Variants in NCOA7 observed in about 807,000 individuals in gnomAD.
NCOA7 encodes 140 kDa estrogen receptor-associated protein.
Under a neutral mutation model 104.3 loss-of-function variants are expected in NCOA7, and 45 were observed. That is an observed-to-expected ratio of 0.43 (90% CI 0.34 to 0.55). The LOEUF is 0.55. Ranked by LOEUF, NCOA7 falls within the 20% of genes least tolerant of loss-of-function variation. The probability of loss-of-function intolerance (pLI) is 0.02; values close to 1 mark genes in which losing one functional copy is unlikely to be tolerated. For missense variants in NCOA7, 1,041 were observed against 1,119.7 expected (o/e 0.93, Z 1.00); for synonymous variants, 398 against 402.3 (o/e 0.99, Z 0.13).
chr6:125,781,965 T>G (rs1157679736), intron 1 of NCOA7, among the ~76,000 whole-genome samples: 1 of 152,238 alleles, frequency 6.6e-6, no homozygotes, highest in East Asian at 1.9e-4. Flanking sequence ...CCTTCCAATT[T>G]AGAGCTCCAG....
chr6:125,802,458 A>G (rs1179621267), intron 1 of NCOA7: 1 of 152,158 alleles, frequency 6.6e-6, no homozygotes, highest in Non-Finnish European at 1.5e-5. Context: ...AAGAGGGAAA[A>G]GCAGCTACCT....
chr6:125,860,467 C>T (rs150801511), intron 3 of NCOA7, among the ~76,000 whole-genome samples: 42 of 152,180 alleles, frequency 2.8e-4, no homozygotes, highest in African/African-American at 1.0e-3. Flanking sequence ...CATGCCTCAG[C>T]TTCCCGAGTA....
chr6:125,891,456 A>G (rs1784616568), intron 10 of NCOA7, among the ~76,000 whole-genome samples: 1 of 152,234 alleles, frequency 6.6e-6, no homozygotes, highest in African/African-American at 2.4e-5. Context: ...TATTCTTTTT[A>G]GAAAACAATT....
At chr6:125,849,954 A>T (rs376065860) in intron 2 of NCOA7, among the ~76,000 whole-genome samples, 1 of 152,306 alleles carries the variant, frequency 6.6e-6, no homozygotes, top group East Asian at 1.9e-4. Context: ...AAATGCTTAG[A>T]TGAAATAATG....
chr6:125,878,210 A>T, intron 4 of NCOA7, 53 bp from the exon 5 acceptor site: 2 of 1,222,456 alleles, frequency 1.6e-6, no homozygotes, highest in Non-Finnish European at 2.3e-6. Context: ...GTATCTATCA[A>T]AAGTAATTTT....
At chr6:125,837,818 T>G (rs1779755534) in intron 2 of NCOA7, among the ~76,000 whole-genome samples, 1 of 152,220 alleles carries the variant, frequency 6.6e-6, no homozygotes, top group African/African-American at 2.4e-5. Flanking sequence ...AATTACGATA[T>G]ACTATTTAAA....
intron 10 of NCOA7, among the ~76,000 whole-genome samples, chr6:125,898,286 C>T (rs1025628870): frequency 6.6e-5 from 10 of 152,156 alleles, no homozygotes; most frequent in Admixed American, 1.3e-4. Flanking sequence ...CATTCAGGTG[C>T]CTGAATTGCA....
At chr6:125,868,543 C>A (rs1451443216) in intron 3 of NCOA7, among the ~76,000 whole-genome samples, 1 of 152,210 alleles carries the variant, frequency 6.6e-6, no homozygotes, top group Non-Finnish European at 1.5e-5. Flanking sequence ...TTAAACCCAG[C>A]TCATTTTGAC....
chr6:125,818,800 C>T (rs1445974146), intron 2 of NCOA7: 1 of 152,342 alleles, frequency 6.6e-6, no homozygotes, highest in African/African-American at 2.4e-5. Flanking sequence ...GAACTAGCAA[C>T]AGAACTTACT....
intron 2 of NCOA7, among the ~76,000 whole-genome samples, chr6:125,848,202 G>A (rs1216606786): frequency 6.6e-6 from 1 of 152,156 alleles, no homozygotes; most frequent in Non-Finnish European, 1.5e-5. Flanking sequence ...ACTGTTGGTG[G>A]GAGTGTAAAT....
chr6:125,838,526 C>A (rs745538310), intron 2 of NCOA7, among the ~76,000 whole-genome samples: 1 of 152,152 alleles, frequency 6.6e-6, no homozygotes, highest in Non-Finnish European at 1.5e-5. Flanking sequence ...TGTTTGCAAG[C>A]CCTCTGAACA....
intron 10 of NCOA7, among the ~76,000 whole-genome samples, chr6:125,908,158 G>A (rs1380569633): frequency 6.6e-6 from 1 of 152,154 alleles, no homozygotes; most frequent in East Asian, 1.9e-4. Context: ...CCCTTACCTG[G>A]TCACCCCAGA....
chr6:125,898,042 A>G (rs974810861), intron 10 of NCOA7, among the ~76,000 whole-genome samples: 2 of 152,236 alleles, frequency 1.3e-5, no homozygotes, highest in Non-Finnish European at 2.9e-5. Context: ...CATTTTGGCC[A>G]CAAAAGCTAT....
At chr6:125,855,419 T>A in intron 3 of NCOA7, 179 bp downstream of exon 3, 1 of 543,160 alleles carries the variant, frequency 1.8e-6, no homozygotes, top group South Asian at 2.3e-5. Context: ...TAAAATAATG[T>A]CTCATTTAAA....
chr6:125,794,441 A>G (rs943949874), intron 1 of NCOA7, among the ~76,000 whole-genome samples: 3 of 152,204 alleles, frequency 2.0e-5, no homozygotes, highest in African/African-American at 4.8e-5. Context: ...ATCTTTTCCT[A>G]TGGTCTTGAG....
In NCOA7 at chr6:125,928,829, A is replaced by C; in HGVS notation, c.*58A>C. ...AGACTGGGTTCGATCAGCCCTCCTA[A>C]AGCTGGCTGGAAAAAGAAGCCCCAG... On this transcript the variant is annotated 3_prime_UTR_variant, in exon 16 of 16. Coordinates refer to ENST00000392477, the MANE Select transcript of NCOA7 (RefSeq NM_181782.5). 9.0e-6 allele frequency: 14 copies of C among 1,554,160 alleles called. No homozygotes were observed. In the South Asian group the frequency reaches 1.7e-4, roughly 19 times the overall value.
At chr6:125,891,640 C>T (rs1784632323) in intron 10 of NCOA7, among the ~76,000 whole-genome samples, 1 of 152,206 alleles carries the variant, frequency 6.6e-6, no homozygotes, top group South Asian at 2.1e-4. Flanking sequence ...GCTTCCATAG[C>T]ATGATTTCTC....
At chr6:125,854,426 A>G (rs538020478) in intron 2 of NCOA7, among the ~76,000 whole-genome samples, 1 of 152,366 alleles carries the variant, frequency 6.6e-6, no homozygotes, top group Non-Finnish European at 1.5e-5. Context: ...ATCAGTAATC[A>G]TAATGAAAAT....
intron 8 of NCOA7, among the ~76,000 whole-genome samples, 195 bp downstream of exon 8, chr6:125,885,538 A>G (rs967085523): frequency 2.6e-5 from 4 of 152,226 alleles, no homozygotes; most frequent in African/African-American, 7.2e-5. Context: ...AGTTGAACAT[A>G]TAAAGATTAA....
Sources: gnomAD v4.1 joint callset for allele counts (sites outside exome capture counted in the v4.1 genomes callset) on GRCh38, gnomAD v4.1.1 for gene constraint, MANE v1.5 for transcripts, NCBI Gene and HGNC (gene_info 2026-07-23, HGNC 2026-07-21) for gene names.